MYT1L: variants seen among roughly 807,000 people sequenced by gnomAD.
MYT1L encodes myelin transcription factor 1-like protein.
MYT1L carries 12 observed loss-of-function variants against 126.7 expected under a neutral mutation model. The observed-to-expected ratio is 0.09, with a 90% CI of 0.06 to 0.15. The LOEUF (loss-of-function observed/expected upper bound fraction) is 0.15. MYT1L is among the 10% of genes least tolerant of loss of function. MYT1L has a pLI of 1.00. For missense variants in MYT1L, 979 were observed against 1,585.2 expected (o/e 0.62, Z 6.49); for synonymous variants, 541 against 604.2 (o/e 0.90, Z 1.53).
rs532036576 is a variant in MYT1L, at chr2:2,033,205, G to GC, written c.-158+20772dup. ...GGCCTTACACACACCCCTTGCCAGTGCCTCTCATCCTGTCGCCCAGAGCAG... is the reference window on the plus strand; with the variant it reads ...GGCCTTACACACACCCCTTGCCAGTGCCCTCTCATCCTGTCGCCCAGAGCAG... On this transcript the variant is annotated intron_variant, in intron 4 of 24. Transcript: ENST00000647738. Among the ~76,000 whole-genome samples the GC allele has an allele frequency of 3.6e-4, 51 of 143,502 alleles. 1 individual carries two copies. The East Asian group carries it at 7.3e-3, about 21-fold the overall frequency. The allele number at this position is 143,502 out of a possible 152,430, so 94.1% of individuals were successfully genotyped here. A position where few individuals can be genotyped will look rare whatever the true frequency, so the allele number is the denominator to read the frequency against.
chr2:1,795,510 C>T, intron 23 of MYT1L: 1 of 152,740 alleles, frequency 6.5e-6, no homozygotes, highest in Non-Finnish European at 1.5e-5. Flanking sequence ...CCTTCCAAAC[C>T]CAACCCACAG....
intron 14 of MYT1L, among the ~76,000 whole-genome samples, chr2:1,901,325 G>A (rs1457703556): frequency 1.3e-5 from 2 of 152,184 alleles, no homozygotes; most frequent in African/African-American, 4.8e-5. Context: ...TCAAATCCCG[G>A]TAGAACGTCA....
intron 21 of MYT1L, among the ~76,000 whole-genome samples, chr2:1,826,654 C>G (rs12990736): frequency 0.038 from 5,725 of 152,218 alleles, 156 homozygotes; most frequent in African/African-American, 0.068. Flanking sequence ...GCTTTTAGGA[C>G]GCAGCACCGG....
intron 3 of MYT1L, among the ~76,000 whole-genome samples, chr2:2,144,289 C>T (rs774641014): frequency 2.0e-5 from 3 of 152,122 alleles, no homozygotes; most frequent in Non-Finnish European, 2.9e-5. Context: ...GCCACCCCCA[C>T]GCCTGGGCCA....
At chr2:1,928,532 AC>A (rs1475749503) in intron 9 of MYT1L, among the ~76,000 whole-genome samples, 1 of 151,734 alleles carries the variant, frequency 6.6e-6, no homozygotes, top group Non-Finnish European at 1.5e-5. Flanking sequence ...CACAGTTCTC[AC>A]CCCAGGGCCT....
intron 3 of MYT1L, among the ~76,000 whole-genome samples, chr2:2,155,865 G>A (rs2086638864): frequency 6.6e-6 from 1 of 152,134 alleles, no homozygotes; most frequent in African/African-American, 2.4e-5. Flanking sequence ...GGCATCTGGA[G>A]GTTCAAAACC....
At chr2:1,940,383 C>T (rs188221476) in intron 9 of MYT1L, among the ~76,000 whole-genome samples, 1 of 147,880 alleles carries the variant, frequency 6.8e-6, no homozygotes, top group African/African-American at 2.5e-5. Flanking sequence ...GTGGCTGCAC[C>T]CTGCCAGGAT....
At chr2:2,193,373 G>C (rs2092676436) in intron 2 of MYT1L, among the ~76,000 whole-genome samples, 1 of 152,176 alleles carries the variant, frequency 6.6e-6, no homozygotes, top group Non-Finnish European at 1.5e-5. Flanking sequence ...AGATTTGCTA[G>C]TTATGAATCA....
intron 18 of MYT1L, among the ~76,000 whole-genome samples, chr2:1,869,423 CCTT>C (rs1304285536): frequency 6.6e-6 from 1 of 152,248 alleles, no homozygotes; most frequent in Non-Finnish European, 1.5e-5. Context: ...CCTGGAGGCT[CCTT>C]GTCCTGTGCA....
chr2:2,005,705 G>GGCGTTCTTTCCTGCAT (rs1006178242), intron 4 of MYT1L, among the ~76,000 whole-genome samples: 5 of 106,692 alleles, frequency 4.7e-5, no homozygotes, highest in African/African-American at 1.4e-4. Context: ...CTCTCCTGCA[G>GGCGTTCTTTCCTGCAT]GCGTTCTTTC....
chr2:2,109,900 T>C (rs1379110477), intron 3 of MYT1L, among the ~76,000 whole-genome samples: 1 of 121,012 alleles, frequency 8.3e-6, no homozygotes, highest in Non-Finnish European at 1.9e-5. Context: ...TATATATATA[T>C]ATATATATAT....
chr2:2,220,499 T>A (rs1222335762), intron 2 of MYT1L, among the ~76,000 whole-genome samples: 1 of 152,136 alleles, frequency 6.6e-6, no homozygotes, highest in African/African-American at 2.4e-5. Flanking sequence ...AGACAACAGA[T>A]GACAAATTGT....
chr2:1,836,976 G>T (rs1487839015), intron 21 of MYT1L, among the ~76,000 whole-genome samples: 1 of 152,232 alleles, frequency 6.6e-6, no homozygotes, highest in African/African-American at 2.4e-5. Context: ...CAAGAGAGTA[G>T]ACAGAGGTGT....
intron 3 of MYT1L, among the ~76,000 whole-genome samples, chr2:2,063,486 C>G (rs550225413): frequency 6.6e-6 from 1 of 152,106 alleles, no homozygotes; most frequent in Non-Finnish European, 1.5e-5. Context: ...CTAGGGGTGC[C>G]TGTGCCCCCA....
intron 18 of MYT1L, among the ~76,000 whole-genome samples, chr2:1,864,526 C>A (rs528298124): frequency 1.3e-5 from 2 of 152,302 alleles, no homozygotes; most frequent in African/African-American, 4.8e-5. Context: ...GCTGGACACT[C>A]CCCAGGGGAG....
chr2:1,950,194 C>T (rs575268578), intron 8 of MYT1L, among the ~76,000 whole-genome samples: 1 of 152,084 alleles, frequency 6.6e-6, no homozygotes, highest in African/African-American at 2.4e-5. Context: ...AGGAGGTTTG[C>T]AAACCCCTTC....
intron 3 of MYT1L, among the ~76,000 whole-genome samples, chr2:2,063,737 G>A (rs1185846591): frequency 1.3e-5 from 2 of 152,034 alleles, no homozygotes; most frequent in Admixed American, 6.6e-5. Flanking sequence ...CCAGCTACTC[G>A]GTATGCTGAG....
intron 21 of MYT1L, among the ~76,000 whole-genome samples, chr2:1,821,795 C>T (rs139892584): frequency 2.0e-5 from 3 of 152,290 alleles, no homozygotes; most frequent in Non-Finnish European, 4.4e-5. Flanking sequence ...CGCTGGATTC[C>T]CGGAGCCACA....
intron 18 of MYT1L, among the ~76,000 whole-genome samples, chr2:1,858,365 A>ATCCAACTGC (rs1553434011): frequency 6.6e-6 from 1 of 151,530 alleles, no homozygotes; most frequent in Non-Finnish European, 1.5e-5. Flanking sequence ...GATCCTCTGC[A>ATCCAACTGC]TCCGACTGCT....
Sources: allele counts gnomAD v4.1 joint callset (sites outside exome capture counted in the v4.1 genomes callset), GRCh38; gene constraint gnomAD v4.1.1; transcripts MANE v1.5; gene names NCBI Gene and HGNC (gene_info 2026-07-23, HGNC 2026-07-21).